The following FER variants were observed in gnomAD, a reference collection of about 807,000 sequenced individuals.
FER encodes the protein FER tyrosine kinase.
In FER, 63 loss-of-function variants were observed where a neutral mutation model predicts 111.0. That is an observed-to-expected ratio of 0.57 (90% confidence interval 0.46 to 0.70). The LOEUF (loss-of-function observed/expected upper bound fraction) is 0.70, where lower values mean the gene tolerates loss of function less well. Ranked by LOEUF, FER falls within the 30% of genes least tolerant of loss-of-function variation. The pLI, the probability that FER is intolerant of heterozygous loss-of-function variation, is 0.00. For missense variants in FER, 914 were observed against 954.0 expected, an observed-to-expected ratio of 0.96 and a Z score of 0.55; for synonymous variants, 327 against 313.9, an observed-to-expected ratio of 1.04 and a Z score of -0.44.
At chr5:108,865,590 T>G (rs956903625) in intron 5 of FER, among the ~76,000 whole-genome samples, 1 of 152,120 alleles carries the variant, frequency 6.6e-6, no homozygotes, top group Non-Finnish European at 1.5e-5. Context: ...AAACAGGATC[T>G]AATTAAACTA....
chr5:109,017,588 A>G (rs928172522), intron 13 of FER, among the ~76,000 whole-genome samples: 5 of 152,034 alleles, frequency 3.3e-5, no homozygotes, highest in African/African-American at 1.2e-4. Context: ...TTATTTGCAT[A>G]TCATAAATTT....
At chr5:108,915,827 A>G (rs965024136) in intron 10 of FER, among the ~76,000 whole-genome samples, 1 of 152,204 alleles carries the variant, frequency 6.6e-6, no homozygotes, top group African/African-American at 2.4e-5. Context: ...GAAAGAAAAT[A>G]CAGGAATGAG....
chr5:109,166,935 A>G (rs1756615160), intron 17 of FER, among the ~76,000 whole-genome samples: 1 of 150,852 alleles, frequency 6.6e-6, no homozygotes, highest in African/African-American at 2.4e-5. Flanking sequence ...CACTTCTACC[A>G]CATTCTGCTA....
chr5:108,938,572 A>G (rs1053902079), intron 10 of FER, among the ~76,000 whole-genome samples: 1 of 152,006 alleles, frequency 6.6e-6, no homozygotes, highest in African/African-American at 2.4e-5. Flanking sequence ...CACCTAAGAG[A>G]CAGGGTAGCA....
intron 16 of FER, among the ~76,000 whole-genome samples, chr5:109,066,043 C>T (rs921598035): frequency 3.3e-5 from 5 of 152,068 alleles, no homozygotes; most frequent in African/African-American, 9.7e-5. Flanking sequence ...CTTTCTATAG[C>T]GTCTTTAACT....
At chr5:108,853,038 G>A (rs1459550336) in intron 5 of FER, among the ~76,000 whole-genome samples, 1 of 151,936 alleles carries the variant, frequency 6.6e-6, no homozygotes, top group Non-Finnish European at 1.5e-5. Context: ...CTGTCTTTTT[G>A]CTAATTATCT....
chr5:108,951,601 AT>A (rs1757760789), intron 11 of FER, among the ~76,000 whole-genome samples: 2 of 152,228 alleles, frequency 1.3e-5, no homozygotes, highest in Non-Finnish European at 2.9e-5. Flanking sequence ...AGAAAAGATA[AT>A]TAAATGTCAT....
intron 3 of FER, among the ~76,000 whole-genome samples, chr5:108,815,844 A>G (rs1171111708): frequency 6.6e-6 from 1 of 152,170 alleles, no homozygotes; most frequent in Non-Finnish European, 1.5e-5. Context: ...CTGTACAACT[A>G]GGGTTTCAAC....
intron 16 of FER, among the ~76,000 whole-genome samples, chr5:109,099,387 G>A (rs1747929232): frequency 6.6e-6 from 1 of 151,374 alleles, no homozygotes; most frequent in South Asian, 2.1e-4. Flanking sequence ...TTAAAATACT[G>A]ATATTGATTC....
chr5:108,908,293 A>T (rs1407915310), intron 10 of FER, among the ~76,000 whole-genome samples: 3 of 152,224 alleles, frequency 2.0e-5, no homozygotes, highest in Non-Finnish European at 4.4e-5. Context: ...AAAATTTTTT[A>T]AAAACCTTTT....
intron 3 of FER, among the ~76,000 whole-genome samples, chr5:108,832,396 CATTTG>C (rs1760137571): frequency 2.0e-5 from 3 of 152,144 alleles, no homozygotes; most frequent in African/African-American, 7.2e-5. Context: ...ATGTCTGTTG[CATTTG>C]ACCATTAGGA....
chr5:108,753,125 G>A (rs1211321101), intron 1 of FER, among the ~76,000 whole-genome samples: 1 of 152,014 alleles, frequency 6.6e-6, no homozygotes, highest in African/African-American at 2.4e-5. Flanking sequence ...TAAGATTTAG[G>A]AAGTATTAAA....
chr5:108,801,989 A>G (rs903493660), intron 3 of FER, among the ~76,000 whole-genome samples: 2 of 152,214 alleles, frequency 1.3e-5, no homozygotes, highest in Non-Finnish European at 2.9e-5. Context: ...CCTGGGCAGG[A>G]CAGAGTGGGG....
In FER at chr5:108,984,399, T is replaced by C. The variant is rs1762341590; in HGVS notation, c.1656+25052T>C. ...ATGTCCTACGAAATCCCAGTTATTATATATACAAGTTTAAATATCCTTAGG... is the reference window on the plus strand; with the variant it reads ...ATGTCCTACGAAATCCCAGTTATTACATATACAAGTTTAAATATCCTTAGG... On this transcript the variant is annotated intron_variant, in intron 13 of 19. Transcript: ENST00000281092. Among the ~76,000 whole-genome samples the C allele has an allele frequency of 2.0e-5, 3 of 152,138 alleles. No individual in the cohort carries two copies. In the South Asian group the frequency reaches 6.2e-4, roughly 32 times the overall value.
At chr5:108,996,162 C>A (rs531249731) in intron 13 of FER, among the ~76,000 whole-genome samples, 1 of 152,158 alleles carries the variant, frequency 6.6e-6, no homozygotes, top group East Asian at 1.9e-4. Context: ...TGGATATTAG[C>A]CCTTTGTCAG....
chr5:109,139,765 A>G (rs1223760903), intron 17 of FER, among the ~76,000 whole-genome samples: 2 of 152,114 alleles, frequency 1.3e-5, no homozygotes, highest in African/African-American at 2.4e-5. Flanking sequence ...TAATATTTTG[A>G]TGAATCAATC....
intron 16 of FER, 88 bp downstream of exon 16, chr5:109,047,286 G>T: frequency 2.8e-6 from 2 of 726,714 alleles, no homozygotes; most frequent in African/African-American, 1.8e-5. Context: ...ATTTCTCCTC[G>T]TAAAGTCTCC....
chr5:108,903,024 G>A (rs1397125148), intron 10 of FER, among the ~76,000 whole-genome samples: 2 of 151,706 alleles, frequency 1.3e-5, no homozygotes, highest in African/African-American at 2.4e-5. Flanking sequence ...ATTGGACTTC[G>A]TTTTCCCTTC....
At chr5:109,071,762 T>C (rs1393759336) in intron 16 of FER, among the ~76,000 whole-genome samples, 1 of 151,972 alleles carries the variant, frequency 6.6e-6, no homozygotes, top group Middle Eastern at 3.2e-3. Flanking sequence ...TTAGAAAACA[T>C]ATAATTGACA....
Sources: allele counts gnomAD v4.1 joint callset (sites outside exome capture counted in the v4.1 genomes callset), GRCh38; gene constraint gnomAD v4.1.1; transcripts MANE v1.5; gene names NCBI Gene and HGNC (gene_info 2026-07-23, HGNC 2026-07-21).